The following VPS13C variants were observed in gnomAD, a reference collection of about 807,000 sequenced individuals.
VPS13C encodes vacuolar protein sorting 13 homolog C, also known as intermembrane lipid transfer protein VPS13C.
In VPS13C, 358 loss-of-function variants were observed where a neutral mutation model predicts 456.8. The observed-to-expected ratio is 0.78, with a 90% CI of 0.72 to 0.86. The LOEUF (loss-of-function observed/expected upper bound fraction) is 0.86, where lower values mean the gene tolerates loss of function less well. Among genes scored for constraint, VPS13C ranks in the 40% least tolerant of loss-of-function variants. The probability of loss-of-function intolerance (pLI) is 0.00; values close to 1 mark genes in which losing one functional copy is unlikely to be tolerated. For missense variants in VPS13C, 4,818 were observed against 4,385.4 expected (o/e 1.10, Z -2.79); for synonymous variants, 1,578 against 1,486.7 (o/e 1.06, Z -1.41).
intron 66 of VPS13C, among the ~76,000 whole-genome samples, chr15:61,898,186 T>G (rs1443208100): frequency 1.3e-5 from 2 of 149,712 alleles, no homozygotes; most frequent in South Asian, 2.1e-4. Context: ...AGGAAGAAAC[T>G]GCATCAACTA....
At position 62,010,528 on chromosome 15, in the gene VPS13C, T is replaced by C; in HGVS notation, c.955A>G (p.Lys319Glu). Residue 319 changes from lysine (K) to glutamate (E), a missense_variant, in exon 13 of 85, where the codon AAA becomes GAA. Around this residue, in one of 3 missense-constraint regions of VPS13C, gnomAD observed 4,552 missense variants for 4,130.6 expected, o/e 1.10. Coordinates refer to ENST00000644861, the MANE Select transcript of VPS13C (RefSeq NM_020821.3). Reference sequence around the variant, plus strand: ...TGTATTTCTATGTTGCAATCCAGTTTGGGCGTTTTGAGCTCTGATTCTGCA... The same window carrying C: ...TGTATTTCTATGTTGCAATCCAGTTCGGGCGTTTTGAGCTCTGATTCTGCA... The part of the protein sequence containing the change: ...PYAESELKTP[K>E]LDCNIEIQNI... 2.5e-6 allele frequency: 4 copies of C among 1,613,578 alleles called. No homozygotes were observed. The highest frequency in any genetic ancestry group is 3.3e-4 in the Middle Eastern group (2 of 6,058).
At chr15:61,937,623 C>T (rs1010437919) in intron 47 of VPS13C, among the ~76,000 whole-genome samples, 5 of 152,260 alleles carry the variant, frequency 3.3e-5, no homozygotes, top group Non-Finnish European at 5.9e-5. Context: ...TACTGGCGCC[C>T]GCCACCACGC....
chr15:61,876,322 G>A (rs553902023), intron 75 of VPS13C, among the ~76,000 whole-genome samples: 1 of 151,932 alleles, frequency 6.6e-6, no homozygotes, highest in South Asian at 2.1e-4. Context: ...GCATGGGTGA[G>A]TATGCATATT....
chr15:61,872,169 T>C (rs901300380), intron 78 of VPS13C, 135 bp from the exon 79 acceptor site: 3 of 643,760 alleles, frequency 4.7e-6, no homozygotes, highest in Admixed American at 3.1e-5. Context: ...CTTGATAATG[T>C]GAACAACATA....
intron 6 of VPS13C, among the ~76,000 whole-genome samples, chr15:62,026,980 A>G (rs550760687): frequency 4.6e-5 from 7 of 152,212 alleles, no homozygotes; most frequent in Non-Finnish European, 2.9e-5. Flanking sequence ...AGCAATGTAA[A>G]TGTCAATAAA....
rs777512437 is a variant in VPS13C at position 61,890,374 on chromosome 15, A to T, written c.9132T>A (p.Asp3044Glu). The T allele has an allele frequency of 1.9e-6, 3 of 1,614,104 alleles. No homozygotes were observed. In the Admixed American group the frequency reaches 5.0e-5, roughly 27 times the overall value. Residue 3044 changes from aspartate (D) to glutamate (E), a missense_variant, in exon 67 of 85, where the codon GAT (aspartate) becomes GAA (glutamate). Around this residue, in one of 3 missense-constraint regions of VPS13C, gnomAD observed 4,552 missense variants for 4,130.6 expected, o/e 1.10. Coordinates refer to ENST00000644861, the MANE Select transcript of VPS13C (RefSeq NM_020821.3). ...LKDGCGQFPYDANIQIHWVSF... is the reference protein window; with the variant it reads ...LKDGCGQFPYEANIQIHWVSF... Reference sequence around the variant, plus strand: ...ATACCCAGTGTATCTGGATGTTTGCATCATATGGAAACTGTCCACATCCAT... The same window carrying T: ...ATACCCAGTGTATCTGGATGTTTGCTTCATATGGAAACTGTCCACATCCAT...
chr15:61,984,795 C>T lies in VPS13C; in HGVS notation c.1721+62G>A. 2.6e-6 allele frequency: 4 copies of T among 1,521,196 alleles called. No individual in the cohort carries two copies. The South Asian group carries it at 3.6e-5, about 14-fold the overall frequency. The allele number at this position is 1,521,196 out of a possible 1,614,324, so 94.2% of individuals were successfully genotyped here. A position where few individuals can be genotyped will look rare whatever the true frequency, so the allele number is the denominator to read the frequency against. On this transcript the variant is annotated intron_variant, in intron 19 of 84. Transcript: ENST00000644861. ...TAATCATTTTTAAACCTGAATAACA[C>T]ACATTTTTTGCCTAAAACTATAACT...
intron 18 of VPS13C, among the ~76,000 whole-genome samples, chr15:61,989,440 G>A (rs769082926): frequency 2.6e-5 from 4 of 151,798 alleles, no homozygotes; most frequent in Non-Finnish European, 4.4e-5. Flanking sequence ...TTTACATTGT[G>A]GGCAGACAGA....
intron 9 of VPS13C, among the ~76,000 whole-genome samples, chr15:62,019,277 T>C (rs1346151211): frequency 6.6e-6 from 1 of 152,150 alleles, no homozygotes; most frequent in East Asian, 1.9e-4. Flanking sequence ...GTTTTTTGTG[T>C]CTCTATTTCC....
intron 31 of VPS13C, 33 bp from the exon 32 acceptor site, chr15:61,963,984 G>A: frequency 7.3e-7 from 1 of 1,361,832 alleles, no homozygotes; most frequent in East Asian, 2.3e-5. Context: ...GTCACATGGT[G>A]AGATTCTAGT....
intron 26 of VPS13C, 132 bp downstream of exon 26, chr15:61,973,322 T>G: frequency 1.5e-6 from 1 of 676,518 alleles, no homozygotes; most frequent in Non-Finnish European, 2.5e-6. Flanking sequence ...CACACTAATG[T>G]AGCACAACTA....
At position 61,917,512 on chromosome 15, in the gene VPS13C, T is replaced by C. The variant is rs144872114; in HGVS notation, c.7884A>G (p.Pro2628=). 1.2e-6 allele frequency: 2 copies of C among 1,614,070 alleles called. No homozygotes were observed. Among genetic ancestry groups the C allele is most frequent in the African/African-American group, 1.3e-5 (1 of 75,064 alleles). The stretch of plus-strand genomic sequence containing the variant: ...GAGGTAAGAAGCTGACTTCTACTGA[T>C]GGACACTGCAACATGCATCTGACTT... ...SREVRCMLQC[P]SVEVSFLPLI... The change falls in exon 60 of 85, where the codon CCA becomes CCG. Residue 2628 remains proline, a synonymous_variant. Transcript: ENST00000644861.
chr15:61,961,394 A>AACACACACAC (rs66786972), intron 35 of VPS13C, among the ~76,000 whole-genome samples, 195 bp downstream of exon 35: 36 of 132,706 alleles, frequency 2.7e-4, no homozygotes, highest in East Asian at 1.4e-3. Context: ...TCCAACTCAA[A>AACACACACAC]ACACACACAC....
rs780495415 is a variant in VPS13C, at chr15:61,917,570, A to T, written c.7826T>A (p.Ile2609Asn). Residue 2609 changes from isoleucine (I) to asparagine (N), a missense_variant, in exon 60 of 85, where the codon ATT becomes AAT. Physicochemically the swap from Ile to Asn is moderately radical, Grantham distance 149. Coordinates refer to ENST00000644861, the MANE Select transcript of VPS13C (RefSeq NM_020821.3). Reference protein sequence around the residue: ...EHQYKESTTYISWKEELHRSR... With the variant: ...EHQYKESTTYNSWKEELHRSR... Reference sequence around the variant, plus strand: ...CCTATGAAGTTCTTCCTTCCAGGAAATATAAGTGGTAGATTCTTTGTACTG... The same window carrying T: ...CCTATGAAGTTCTTCCTTCCAGGAATTATAAGTGGTAGATTCTTTGTACTG... 6.2e-7 allele frequency: 1 copy of T among 1,614,006 alleles called. No individual in the cohort carries two copies. The highest frequency in any genetic ancestry group is 8.5e-7 in the Non-Finnish European group (1 of 1,179,888).
chr15:62,053,254 G>C (rs942950459), intron 1 of VPS13C, among the ~76,000 whole-genome samples: 1 of 152,066 alleles, frequency 6.6e-6, no homozygotes, highest in Non-Finnish European at 1.5e-5. Context: ...TCCCTCTACA[G>C]GTTTAGAAAT....
At chr15:61,972,819 G>A (rs1001928186) in intron 26 of VPS13C, 55 bp from the exon 27 acceptor site, 14 of 1,430,974 alleles carry the variant, frequency 9.8e-6, no homozygotes, top group Non-Finnish European at 1.3e-5. Flanking sequence ...AAAACTGCAT[G>A]AAACACTCAA....
At chr15:61,925,975 T>G (rs1280471001) in intron 52 of VPS13C, among the ~76,000 whole-genome samples, 3 of 152,226 alleles carry the variant, frequency 2.0e-5, no homozygotes, top group Non-Finnish European at 4.4e-5. Context: ...ATGTAAGGCC[T>G]TTATTAGAAT....
intron 82 of VPS13C, chr15:61,856,932 T>C (rs1306222856): frequency 6.5e-6 from 1 of 153,528 alleles, no homozygotes; most frequent in Non-Finnish European, 1.4e-5. Flanking sequence ...ACTTGAGGCC[T>C]ACTAATAAAG....
chr15:61,911,940 CA>C lies in VPS13C; in HGVS notation c.8614del (p.Cys2872ValfsTer9), dbSNP rs2043313574. On this transcript the variant is annotated frameshift_variant, in exon 63 of 85. Coordinates refer to ENST00000644861, the MANE Select transcript of VPS13C (RefSeq NM_020821.3). LOFTEE classifies it high-confidence loss of function. ...TAATGATGACTTGTTTGCAATGGTA[CA>C]AAAGGGAGTCAGGGTAACTATTCGT... ...LSRIVTLTPF[C>X]TIANKSSLEL... The C allele has an allele frequency of 6.2e-7, 1 of 1,612,538 alleles. No homozygotes were observed. The highest frequency in any genetic ancestry group is 8.5e-7 in the Non-Finnish European group (1 of 1,179,224).
Sources: gnomAD v4.1 joint callset for allele counts (sites outside exome capture counted in the v4.1 genomes callset) on GRCh38, gnomAD v4.1.1 for gene constraint, gnomAD v4.1.1 regional missense constraint, MANE v1.5 for transcripts, NCBI Gene and HGNC (gene_info 2026-07-23, HGNC 2026-07-21) for gene names.